Variants in GRIN2B observed in about 807,000 individuals in gnomAD.
GRIN2B encodes the protein glutamate receptor ionotropic, NMDA 2B.
In GRIN2B, 5 loss-of-function variants were observed where a neutral mutation model predicts 114.5. The observed-to-expected ratio is 0.04, with a 90% confidence interval of 0.02 to 0.09. GRIN2B has a LOEUF of 0.09. Ranked by LOEUF, GRIN2B falls within the 10% of genes least tolerant of loss-of-function variation. GRIN2B has a pLI of 1.00. For synonymous variants in GRIN2B, 787 were observed against 745.1 expected, an observed-to-expected ratio of 1.06 and a Z score of -0.92; for missense variants, 1,108 against 1,943.5, an observed-to-expected ratio of 0.57 and a Z score of 8.08.
Position 13,615,015 on chromosome 12 carries a change from C to A in GRIN2B, c.1654+99G>T. 3 of 1,126,452 alleles carry A rather than the reference C, an allele frequency of 2.7e-6. No homozygotes were observed. The highest frequency in any genetic ancestry group is 4.1e-6 in the Non-Finnish European group (3 of 736,922). The allele number at this position is 1,126,452 out of a possible 1,614,324, so 69.8% of individuals were successfully genotyped here. A position where few individuals can be genotyped will look rare whatever the true frequency, so the allele number is the denominator to read the frequency against. On this transcript the variant is annotated intron_variant, in intron 8 of 13. Transcript: ENST00000609686. The surrounding 1 kb of genome is among the most constrained non-coding windows in gnomAD (Gnocchi z 5.8). ...GCTGAGTTGAGCTCCTAGCAAACCA[C>A]CTTCTAGCTGGAACAGCCTGGCCAT...
At chr12:13,800,160 C>A (rs1349642192) in intron 3 of GRIN2B, among the ~76,000 whole-genome samples, 2 of 152,146 alleles carry the variant, frequency 1.3e-5, no homozygotes, top group Non-Finnish European at 2.9e-5. Context: ...AAAGACCATT[C>A]TCTAGTGCAG....
At chr12:13,768,369 T>C (rs558004129) in intron 3 of GRIN2B, among the ~76,000 whole-genome samples, 1 of 152,274 alleles carries the variant, frequency 6.6e-6, no homozygotes, top group East Asian at 1.9e-4. Flanking sequence ...CCAAAAAAAC[T>C]TGAAAGAATG....
rs548244788 is a variant in GRIN2B at position 13,603,614 on chromosome 12, TTAA to T, written c.2010+4986_2010+4988del. Among the ~76,000 whole-genome samples the T allele has an allele frequency of 8.5e-4, 129 of 151,790 alleles. 2 individuals carry two copies. The Middle Eastern group carries it at 0.01, about 12-fold the overall frequency. The stretch of plus-strand genomic sequence containing the variant: ...AGTTATCGCTGAAGTTATATTATTA[TTAA>T]TAATAATAACAATGATAATCATTAT... On this transcript the variant is annotated intron_variant, in intron 10 of 13. Transcript: ENST00000609686.
In GRIN2B at chr12:13,824,392, G is replaced by T. The variant is rs140637976; in HGVS notation, c.411+41406C>A. 5.2e-3 allele frequency among the ~76,000 whole-genome samples: 791 copies of T among 152,168 alleles called. 3 individuals carry two copies. The highest frequency in any genetic ancestry group is 8.9e-3 in the Non-Finnish European group (607 of 67,996). On this transcript the variant is annotated intron_variant, in intron 3 of 13. Transcript: ENST00000609686. ...AGGTGTTTGTCTATTTACCCAAGTTGTCAAATTTATTGACATAAAGATGGT... is the reference window on the plus strand; with the variant it reads ...AGGTGTTTGTCTATTTACCCAAGTTTTCAAATTTATTGACATAAAGATGGT...
intron 4 of GRIN2B, among the ~76,000 whole-genome samples, chr12:13,676,401 T>C (rs531117012): frequency 7.9e-5 from 12 of 152,252 alleles, no homozygotes; most frequent in African/African-American, 2.9e-4. Context: ...CCTAGAGGTA[T>C]GACTTTGAGC....
At chr12:13,802,987 CTCT>C (rs56154953) in intron 3 of GRIN2B, among the ~76,000 whole-genome samples, 60,272 of 151,652 alleles carry the variant, frequency 0.4, 12,294 homozygotes, top group East Asian at 0.54. Context: ...CAAGAACGAC[CTCT>C]TCTCTTCCTC....
At chr12:13,975,098 C>A (rs542382989) in intron 2 of GRIN2B, among the ~76,000 whole-genome samples, 9 of 152,020 alleles carry the variant, frequency 5.9e-5, no homozygotes, top group Non-Finnish European at 1.2e-4. Context: ...ATTTAAAAAA[C>A]AAAACAAAAA....
At chr12:13,708,632 T>C (rs934370099) in intron 4 of GRIN2B, among the ~76,000 whole-genome samples, 3 of 151,674 alleles carry the variant, frequency 2.0e-5, no homozygotes, top group African/African-American at 7.3e-5. Flanking sequence ...CACTTATTTA[T>C]GCTAAATACT....
rs114086729 is a variant in GRIN2B, at chr12:13,731,687, C to T, written c.1010+21630G>A. Among the ~76,000 whole-genome samples, 336 of 152,264 alleles carry T rather than the reference C, an allele frequency of 2.2e-3. 1 individual carries two copies. Among genetic ancestry groups the T allele is most frequent in the African/African-American group, 7.4e-3 (309 of 41,542 alleles). ...TCCCCTGTATTAGCTCTACAGAGGACATTACTGGATCCTAAAGAAGTGTCC... is the reference window on the plus strand; with the variant it reads ...TCCCCTGTATTAGCTCTACAGAGGATATTACTGGATCCTAAAGAAGTGTCC... On this transcript the variant is annotated intron_variant, in intron 4 of 13. Transcript: ENST00000609686.
At chr12:13,796,926 T>C (rs1194027164) in intron 3 of GRIN2B, among the ~76,000 whole-genome samples, 6 of 152,210 alleles carry the variant, frequency 3.9e-5, no homozygotes, top group Non-Finnish European at 8.8e-5. Context: ...AAAGATTTTA[T>C]TTGACAAACA....
intron 4 of GRIN2B, among the ~76,000 whole-genome samples, chr12:13,689,741 C>T (rs982323637): frequency 6.6e-6 from 1 of 152,150 alleles, no homozygotes; most frequent in East Asian, 1.9e-4. Flanking sequence ...ATCTCTACAC[C>T]CTGGTCCCTT....
At chr12:13,609,171 G>A (rs1949326689) in intron 9 of GRIN2B, among the ~76,000 whole-genome samples, 1 of 152,012 alleles carries the variant, frequency 6.6e-6, no homozygotes, top group African/African-American at 2.4e-5. Context: ...GAGTAAAACA[G>A]GCCAACTATG....
intron 4 of GRIN2B, among the ~76,000 whole-genome samples, chr12:13,740,947 C>A: frequency 6.6e-6 from 1 of 152,128 alleles, no homozygotes; most frequent in Non-Finnish European, 1.5e-5. Flanking sequence ...CCATGTGTGT[C>A]CTGGATGCCA....
At chr12:13,889,649 A>G (rs781703563) in intron 2 of GRIN2B, among the ~76,000 whole-genome samples, 1 of 152,174 alleles carries the variant, frequency 6.6e-6, no homozygotes, top group Non-Finnish European at 1.5e-5. Flanking sequence ...AACTGTAGTA[A>G]AATATTTCTG....
chr12:13,831,602 C>T (rs1442651545), intron 3 of GRIN2B, among the ~76,000 whole-genome samples: 1 of 152,160 alleles, frequency 6.6e-6, no homozygotes. Context: ...AGAAAGGGAA[C>T]ACGTTAGGAA....
chr12:13,748,591 A>C (rs1863428712), intron 4 of GRIN2B, among the ~76,000 whole-genome samples: 1 of 152,226 alleles, frequency 6.6e-6, no homozygotes, highest in South Asian at 2.1e-4. Flanking sequence ...TTTCTCAGGA[A>C]CCAAGAAAAT....
intron 2 of GRIN2B, among the ~76,000 whole-genome samples, chr12:13,906,887 G>A (rs2136793404): frequency 6.6e-6 from 1 of 152,176 alleles, no homozygotes; most frequent in South Asian, 2.1e-4. Flanking sequence ...GACACTATGT[G>A]CATGACTCTT....
At position 13,679,672 on chromosome 12, in the gene GRIN2B, G is replaced by T. The variant is rs1007733152; in HGVS notation, c.1011-3813C>A. Among the ~76,000 whole-genome samples, 3 of 152,144 alleles carry T rather than the reference G, an allele frequency of 2.0e-5. No individual in the cohort carries two copies. In the South Asian group the frequency reaches 6.2e-4, roughly 32 times the overall value. On this transcript the variant is annotated intron_variant, in intron 4 of 13. Transcript: ENST00000609686. ...GTGTTTTCATGAGTAATTTCTTGTG[G>T]TGTGAGAACATTTAGCCATTACTGA...
chr12:13,652,835 G>A (rs987443737), intron 5 of GRIN2B, among the ~76,000 whole-genome samples: 8 of 152,124 alleles, frequency 5.3e-5, no homozygotes, highest in South Asian at 2.1e-4. Flanking sequence ...GAAAGAAGAC[G>A]GTGGAAAAAT....
Sources: allele counts gnomAD v4.1 joint callset (sites outside exome capture counted in the v4.1 genomes callset), GRCh38; gene constraint gnomAD v4.1.1; non-coding constraint Gnocchi (gnomAD v3.1); transcripts MANE v1.5; gene names NCBI Gene and HGNC (gene_info 2026-07-23, HGNC 2026-07-21).